The following A1CF variants were observed in gnomAD, a reference collection of about 807,000 sequenced individuals.
A1CF encodes the protein APOBEC1 complementation factor.
Under a neutral mutation model 68.9 loss-of-function variants are expected in A1CF, and 48 were observed. The ratio of observed to expected loss-of-function variants is 0.70; its 90% confidence interval spans 0.55 to 0.89. A1CF has a LOEUF of 0.89. Ranked by LOEUF, A1CF falls within the 40% of genes least tolerant of loss-of-function variation. The pLI, the probability that A1CF is intolerant of heterozygous loss-of-function variation, is 0.00. For missense variants in A1CF, 653 were observed against 718.9 expected, an observed-to-expected ratio of 0.91 and a Z score of 1.05; for synonymous variants, 272 against 260.4, an observed-to-expected ratio of 1.04 and a Z score of -0.43.
At chr10:50,816,712 C>T (rs1374556188) in intron 8 of A1CF, among the ~76,000 whole-genome samples, 1 of 152,028 alleles carries the variant, frequency 6.6e-6, no homozygotes, top group Non-Finnish European at 1.5e-5. Context: ...GAAAGGAAAC[C>T]AATAAAGAAA....
intron 2 of A1CF, chr10:50,863,122 T>C (rs918154637): frequency 1.2e-4 from 19 of 152,206 alleles, no homozygotes; most frequent in African/African-American, 4.6e-4. Flanking sequence ...AAAATCTGTA[T>C]AATATCTCAA....
intron 2 of A1CF, among the ~76,000 whole-genome samples, chr10:50,861,573 C>T (rs1291614128): frequency 6.8e-6 from 1 of 147,840 alleles, no homozygotes; most frequent in Admixed American, 6.8e-5. Flanking sequence ...ATTAATAGTA[C>T]TACTATTACT....
At chr10:50,845,780 C>A (rs935317648) in intron 3 of A1CF, among the ~76,000 whole-genome samples, 1 of 152,040 alleles carries the variant, frequency 6.6e-6, no homozygotes, top group South Asian at 2.1e-4. Context: ...ATGGTGAAAC[C>A]CCATCTCTAC....
At chr10:50,827,088 C>A (rs2132387696) in intron 7 of A1CF, among the ~76,000 whole-genome samples, 1 of 152,266 alleles carries the variant, frequency 6.6e-6, no homozygotes, top group East Asian at 1.9e-4. Context: ...GCTAACTATC[C>A]TAAATATATA....
chr10:50,829,229 G>A (rs769540030), intron 6 of A1CF, among the ~76,000 whole-genome samples: 2 of 151,970 alleles, frequency 1.3e-5, no homozygotes, highest in African/African-American at 2.4e-5. Flanking sequence ...TTGTTGTTTT[G>A]TTTTGTTTTG....
At chr10:50,832,312 C>G (rs1206375840) in intron 6 of A1CF, among the ~76,000 whole-genome samples, 1 of 152,120 alleles carries the variant, frequency 6.6e-6, no homozygotes, top group Non-Finnish European at 1.5e-5. Context: ...TTTGTTTTTT[C>G]CTCTGGGAGC....
intron 8 of A1CF, 62 bp downstream of exon 8, chr10:50,820,490 G>A (rs1838594914): frequency 6.9e-7 from 1 of 1,444,674 alleles, no homozygotes. Context: ...TGTGCTTTTG[G>A]ATGTAATATC....
At chr10:50,827,482 C>A (rs1210907774) in intron 7 of A1CF, among the ~76,000 whole-genome samples, 1 of 152,172 alleles carries the variant, frequency 6.6e-6, no homozygotes, top group Non-Finnish European at 1.5e-5. Context: ...AAGAAACTCA[C>A]CCCAAACCAC....
Position 50,809,889 on chromosome 10 carries a change from C to T in A1CF, c.1609+5G>A, listed in dbSNP as rs1484148489. 1 of 1,613,632 alleles carries T rather than the reference C, an allele frequency of 6.2e-7. No individual in the cohort carries two copies. Among genetic ancestry groups the T allele is most frequent in the African/African-American group, 1.3e-5 (1 of 74,916 alleles). ...GGCGCCATTTCTGGCACAATTTTCC[C>T]ATACCTGGGAAAGCAGTAGCAGCAG... On this transcript the variant is annotated splice_donor_5th_base_variant and intron_variant, in intron 12 of 12. Transcript: ENST00000373997.
intron 2 of A1CF, chr10:50,862,860 T>C (rs1840808943): frequency 6.6e-6 from 1 of 152,234 alleles, no homozygotes; most frequent in Non-Finnish European, 1.5e-5. Flanking sequence ...GGATGGGGTC[T>C]GATGGGATTA....
chr10:50,849,243 T>C (rs1320961860), intron 3 of A1CF, among the ~76,000 whole-genome samples: 1 of 152,220 alleles, frequency 6.6e-6, no homozygotes, highest in Non-Finnish European at 1.5e-5. Flanking sequence ...AAAATAATTA[T>C]CTATTTTGTA....
intron 1 of A1CF, among the ~76,000 whole-genome samples, chr10:50,880,993 TC>T (rs990242460): frequency 6.6e-6 from 1 of 151,590 alleles, no homozygotes; most frequent in Non-Finnish European, 1.5e-5. Flanking sequence ...TCATTTAGAC[TC>T]TTTTTTTTTT....
intron 10 of A1CF, 75 bp from the exon 11 acceptor site, chr10:50,811,251 ACT>A (rs1838098607): frequency 6.9e-7 from 1 of 1,457,270 alleles, no homozygotes; most frequent in African/African-American, 1.4e-5. Flanking sequence ...AGGTTTTTAA[ACT>A]CTAATTTTCA....
intron 3 of A1CF, among the ~76,000 whole-genome samples, chr10:50,858,088 A>G (rs1237938876): frequency 6.6e-6 from 1 of 152,200 alleles, no homozygotes; most frequent in Non-Finnish European, 1.5e-5. Flanking sequence ...TGAAAGAGGA[A>G]AACATAGTGC....
rs913065485 is a variant in A1CF at position 50,802,360 on chromosome 10, G to T, written c.*4369C>A. 1.3e-5 allele frequency: 2 copies of T among 152,120 alleles called. No individual in the cohort carries two copies. Among genetic ancestry groups the T allele is most frequent in the Admixed American group, 1.3e-4 (2 of 15,272 alleles). The allele number at this position is 152,120 out of a possible 1,614,324, so 9.4% of individuals were successfully genotyped here. ...TGCACGTCAGGTAGGAATATTTACTGCCTAGTTTCTTCCTGTCTTCCAATA... is the reference window on the plus strand; with the variant it reads ...TGCACGTCAGGTAGGAATATTTACTTCCTAGTTTCTTCCTGTCTTCCAATA... On this transcript the variant is annotated 3_prime_UTR_variant, in exon 13 of 13. Transcript: ENST00000373997.
At chr10:50,856,616 T>G (rs1443914848) in intron 3 of A1CF, among the ~76,000 whole-genome samples, 4 of 152,078 alleles carry the variant, frequency 2.6e-5, no homozygotes, top group Non-Finnish European at 5.9e-5. Flanking sequence ...AACCAAAAAT[T>G]TTGGCCAATA....
intron 6 of A1CF, among the ~76,000 whole-genome samples, chr10:50,829,240 T>G (rs1397401660): frequency 6.6e-6 from 1 of 152,106 alleles, no homozygotes; most frequent in East Asian, 1.9e-4. Context: ...TTTTGTTTTG[T>G]TTTTTGGTGA....
At position 50,873,645 on chromosome 10, in the gene A1CF, A is replaced by G. The variant is rs117339987; in HGVS notation, c.-93-9565T>C. Among the ~76,000 whole-genome samples the G allele has an allele frequency of 2.8e-3, 430 of 152,316 alleles. 3 individuals carry two copies. The highest frequency in any genetic ancestry group is 8.9e-3 in the South Asian group (43 of 4,832). ...TTTAAGGCAAGATATTAAATGTTGT[A>G]GAGGAGTAATGCTGATACAACTTTC... On this transcript the variant is annotated intron_variant, in intron 1 of 12. Transcript: ENST00000373997.
intron 6 of A1CF, among the ~76,000 whole-genome samples, chr10:50,831,720 C>T (rs1168352235): frequency 6.6e-6 from 1 of 152,144 alleles, no homozygotes; most frequent in Non-Finnish European, 1.5e-5. Context: ...AAGAGTGAAA[C>T]TCCGTCTCAA....
Sources: gnomAD v4.1 joint callset for allele counts (sites outside exome capture counted in the v4.1 genomes callset) on GRCh38, gnomAD v4.1.1 for gene constraint, MANE v1.5 for transcripts, NCBI Gene and HGNC (gene_info 2026-07-23, HGNC 2026-07-21) for gene names.